The following E2F6 variants were observed in gnomAD, a reference collection of about 807,000 sequenced individuals.
E2F6 encodes transcription factor E2F6.
In E2F6, 19 loss-of-function variants were observed where a neutral mutation model predicts 31.5. That is an observed-to-expected ratio of 0.60 (90% CI 0.42 to 0.89). The LOEUF (loss-of-function observed/expected upper bound fraction) is 0.89. Ranked by LOEUF, E2F6 falls within the 40% of genes least tolerant of loss-of-function variation. E2F6 has a pLI of 0.00. For missense variants in E2F6, 269 were observed against 341.6 expected, an observed-to-expected ratio of 0.79 and a Z score of 1.67; for synonymous variants, 121 against 127.7, an observed-to-expected ratio of 0.95 and a Z score of 0.36.
chr2:11,452,470 G>A (rs1671130575), intron 3 of E2F6, among the ~76,000 whole-genome samples: 1 of 152,094 alleles, frequency 6.6e-6, no homozygotes, highest in African/African-American at 2.4e-5. Flanking sequence ...CGGGCGTGGT[G>A]GTGTATGCCT....
chr2:11,465,247 T>C lies in E2F6; in HGVS notation c.108+525A>G, dbSNP rs115210142. 3.3e-3 allele frequency among the ~76,000 whole-genome samples: 493 copies of C among 147,434 alleles called. 8 individuals carry two copies. Among genetic ancestry groups the C allele is most frequent in the African/African-American group, 0.012 (473 of 39,848 alleles). On this transcript the variant is annotated intron_variant, in intron 1 of 6. Coordinates refer to ENST00000381525, the MANE Select transcript of E2F6 (RefSeq NM_198256.4). ...AAAATGCATTTGTTGAGGGCCCTGA[T>C]AACCGCGGGGAATACAGCATCTGGT...
At position 11,446,250 on chromosome 2, in the gene E2F6, C is replaced by T. The variant is rs1670704294; in HGVS notation, c.*227G>A. ...GGAGGCAAGATGTCTATTTCACTGACAAAAAGCAGTGAATAATTATAAAAG... is the reference window on the plus strand; with the variant it reads ...GGAGGCAAGATGTCTATTTCACTGATAAAAAGCAGTGAATAATTATAAAAG... On this transcript the variant is annotated 3_prime_UTR_variant, in exon 7 of 7. Coordinates refer to ENST00000381525, the MANE Select transcript of E2F6 (RefSeq NM_198256.4). 8.0e-6 allele frequency: 4 copies of T among 498,916 alleles called. No individual in the cohort carries two copies. The East Asian group carries it at 1.0e-4, about 13-fold the overall frequency. The allele number at this position is 498,916 out of a possible 1,614,324, so 30.9% of individuals were successfully genotyped here.
At chr2:11,454,146 A>C (rs1236322815) in intron 2 of E2F6, among the ~76,000 whole-genome samples, 1 of 152,202 alleles carries the variant, frequency 6.6e-6, no homozygotes, top group Non-Finnish European at 1.5e-5. Context: ...ATTACACATG[A>C]TTTTTAAAAT....
intron 4 of E2F6, among the ~76,000 whole-genome samples, chr2:11,450,825 G>C (rs1671016954): frequency 6.6e-6 from 1 of 151,906 alleles, no homozygotes; most frequent in African/African-American, 2.4e-5. Flanking sequence ...GGGAATAGAG[G>C]TTTTTGACTG....
intron 5 of E2F6, among the ~76,000 whole-genome samples, chr2:11,448,253 T>C (rs1388484885): frequency 2.0e-5 from 3 of 152,252 alleles, no homozygotes; most frequent in Non-Finnish European, 4.4e-5. Context: ...ATTAACTCAT[T>C]ATGATATTCA....
rs192812363 is a variant in E2F6, at chr2:11,453,567, T to G, written c.380+15A>C. ...GAAGGAACAAAAGCCACGAAAAAGT[T>G]TGAAAGCAACTCACATCCATCTAAT... On this transcript the variant is annotated intron_variant, in intron 3 of 6. Transcript: ENST00000381525. 5 of 1,612,010 alleles carry G rather than the reference T, an allele frequency of 3.1e-6. No homozygotes were observed. The East Asian group carries it at 6.7e-5, about 22-fold the overall frequency.
At chr2:11,448,342 T>C (rs949578773) in intron 5 of E2F6, among the ~76,000 whole-genome samples, 3 of 152,238 alleles carry the variant, frequency 2.0e-5, no homozygotes, top group African/African-American at 7.2e-5. Flanking sequence ...TCAGTGCTTC[T>C]ACTGGGAATT....
intron 1 of E2F6, among the ~76,000 whole-genome samples, chr2:11,463,204 T>C (rs1254060638): frequency 6.6e-6 from 1 of 152,140 alleles, no homozygotes; most frequent in Admixed American, 6.5e-5. Context: ...TGGGTCCACT[T>C]AGAGACCAAT....
At chr2:11,457,062 T>C in intron 2 of E2F6, 117 bp downstream of exon 2, 2 of 796,102 alleles carry the variant, frequency 2.5e-6, no homozygotes, top group South Asian at 1.6e-5. Flanking sequence ...TACATTTCAG[T>C]GTACACATAA....
intron 1 of E2F6, among the ~76,000 whole-genome samples, chr2:11,462,813 A>T (rs1671868465): frequency 6.6e-6 from 1 of 152,214 alleles, no homozygotes. Flanking sequence ...TGAGAATGGC[A>T]AGCAGTTTAA....
rs950431119 is a variant in E2F6 at position 11,446,187 on chromosome 2, T to C, written c.*290A>G. 7.4e-6 allele frequency: 3 copies of C among 406,976 alleles called. No homozygotes were observed. Among genetic ancestry groups the C allele is most frequent in the African/African-American group, 2.1e-5 (1 of 48,558 alleles). 25.2% of individuals were successfully genotyped at this position (406,976 alleles called of 1,614,324 possible). A position where few individuals can be genotyped will look rare whatever the true frequency, so the allele number is the denominator to read the frequency against. On this transcript the variant is annotated 3_prime_UTR_variant, in exon 7 of 7. Coordinates refer to ENST00000381525, the MANE Select transcript of E2F6 (RefSeq NM_198256.4). The stretch of plus-strand genomic sequence containing the variant: ...AAAGAACTGTCCATTTCAGCCTGAC[T>C]GTCTGTCTTCATGACACTCTGTGAT...
intron 2 of E2F6, among the ~76,000 whole-genome samples, chr2:11,456,821 C>A (rs528267545): frequency 6.6e-6 from 1 of 152,266 alleles, no homozygotes; most frequent in East Asian, 1.9e-4. Flanking sequence ...GGCGGTCTAT[C>A]ATGGAAACTT....
rs1257544800 is a variant in E2F6, at chr2:11,462,006, GTCATGGACTTCC to G, written c.108+3754_108+3765del. Among the ~76,000 whole-genome samples, 9 of 152,226 alleles carry G rather than the reference GTCATGGACTTCC, an allele frequency of 5.9e-5. 1 individual carries two copies. The East Asian group carries it at 1.2e-3, about 20-fold the overall frequency. ...TTTTGCATATCTATAAACAGTTTGT[GTCATGGACTTCC>G]AGTGCTCTCTCTACTATTAGAAGTA... is the stretch of plus-strand genomic sequence containing the variant. On this transcript the variant is annotated intron_variant, in intron 1 of 6. Coordinates refer to ENST00000381525, the MANE Select transcript of E2F6 (RefSeq NM_198256.4).
At position 11,466,105 on chromosome 2, in the gene E2F6, G is replaced by C; in HGVS notation, c.-226C>G. The C allele has an allele frequency of 2.0e-6, 1 of 495,406 alleles. No homozygotes were observed. The highest frequency in any genetic ancestry group is 3.5e-6 in the Non-Finnish European group (1 of 283,156). The allele number at this position is 495,406 out of a possible 1,614,324, so 30.7% of individuals were successfully genotyped here. On this transcript the variant is annotated 5_prime_UTR_variant, in exon 1 of 7. Transcript: ENST00000381525. ...CCGACGCAGACGGAAAAAGAGGAGG[G>C]AGACCCGCGGATCTCAAGTCGCCCG...
chr2:11,447,395 T>C (rs1008591614), intron 6 of E2F6, among the ~76,000 whole-genome samples: 1 of 152,146 alleles, frequency 6.6e-6, no homozygotes, highest in Non-Finnish European at 1.5e-5. Context: ...CCATCGCAAG[T>C]TGGTATCACC....
intron 5 of E2F6, 126 bp downstream of exon 5, chr2:11,449,886 T>C: frequency 1.7e-6 from 1 of 592,100 alleles, no homozygotes; most frequent in Non-Finnish European, 2.9e-6. Context: ...TGAAGTGCCT[T>C]GAGCAGTATC....
chr2:11,460,674 T>C lies in E2F6; in HGVS notation c.109-3441A>G, dbSNP rs56791306. Among the ~76,000 whole-genome samples, 142 of 152,320 alleles carry C rather than the reference T, an allele frequency of 9.3e-4. 4 individuals are homozygous for C. The East Asian group carries it at 0.026, about 28-fold the overall frequency. ...AGGCGATTTTGTTGCGTGAACATCA[T>C]AGAGTGCTTAAACAAACCTAGATGG... On this transcript the variant is annotated intron_variant, in intron 1 of 6. Coordinates refer to ENST00000381525, the MANE Select transcript of E2F6 (RefSeq NM_198256.4).
At chr2:11,462,226 T>C (rs1024634380) in intron 1 of E2F6, among the ~76,000 whole-genome samples, 1 of 152,216 alleles carries the variant, frequency 6.6e-6, no homozygotes, top group African/African-American at 2.4e-5. Flanking sequence ...ATTCTGGATA[T>C]AGAGTAGTCC....
rs1279127686 is a variant in E2F6, at chr2:11,445,611, C to T, written c.*866G>A. 2 of 151,930 alleles carry T rather than the reference C, an allele frequency of 1.3e-5. No individual in the cohort carries two copies. The highest frequency in any genetic ancestry group is 4.2e-4 in the South Asian group (2 of 4,810). 9.4% of individuals were successfully genotyped at this position (151,930 alleles called of 1,614,324 possible). Reference sequence around the variant, plus strand: ...CTTGCAAAAACCTGAAAGGAGTTTCCAATTATCACCATGACTGAATTCATG... The same window carrying T: ...CTTGCAAAAACCTGAAAGGAGTTTCTAATTATCACCATGACTGAATTCATG... On this transcript the variant is annotated 3_prime_UTR_variant, in exon 7 of 7. Transcript: ENST00000381525.
Sources: gnomAD v4.1 joint callset for allele counts (sites outside exome capture counted in the v4.1 genomes callset) on GRCh38, gnomAD v4.1.1 for gene constraint, MANE v1.5 for transcripts, NCBI Gene and HGNC (gene_info 2026-07-23, HGNC 2026-07-21) for gene names.